The following LRRTM4 variants were observed in gnomAD, a reference collection of about 807,000 sequenced individuals.
LRRTM4 encodes leucine-rich repeat transmembrane neuronal protein 4.
A neutral mutation model predicts 47.6 loss-of-function variants in LRRTM4; 25 were observed. That is an observed-to-expected ratio of 0.53 (90% confidence interval 0.38 to 0.73). LRRTM4 has a LOEUF of 0.73. Ranked by LOEUF, LRRTM4 falls within the 30% of genes least tolerant of loss-of-function variation. The pLI is 0.00. For missense variants in LRRTM4, 638 were observed against 713.4 expected (o/e 0.89, Z 1.20); for synonymous variants, 311 against 269.5 (o/e 1.15, Z -1.51).
chr2:77,222,455 G>A (rs9689182), intron 3 of LRRTM4, among the ~76,000 whole-genome samples: 2 of 152,044 alleles, frequency 1.3e-5, no homozygotes, highest in African/African-American at 4.8e-5. Flanking sequence ...TTGATAGACT[G>A]CTAGCAAGGT....
chr2:77,255,427 T>G (rs1675738432), intron 3 of LRRTM4, among the ~76,000 whole-genome samples: 2 of 151,988 alleles, frequency 1.3e-5, no homozygotes, highest in African/African-American at 2.4e-5. Flanking sequence ...AGGATCTACT[T>G]GATATTTATT....
chr2:77,368,474 C>A (rs1672538497), intron 3 of LRRTM4, among the ~76,000 whole-genome samples: 2 of 151,638 alleles, frequency 1.3e-5, no homozygotes, highest in African/African-American at 4.8e-5. Context: ...CTTGATTAGC[C>A]TTCATTTAAT....
intron 3 of LRRTM4, among the ~76,000 whole-genome samples, chr2:77,367,726 G>C (rs576623371): frequency 6.6e-6 from 1 of 151,760 alleles, no homozygotes; most frequent in Non-Finnish European, 1.5e-5. Context: ...GATAAGAGAC[G>C]GTAGGTAGGT....
rs200096987 is a variant in LRRTM4 at position 76,849,827 on chromosome 2, A to AT, written c.1552-100912dup. Among the ~76,000 whole-genome samples the AT allele has an allele frequency of 6.1e-3, 919 of 151,806 alleles. 14 individuals carry two copies. Among genetic ancestry groups the AT allele is most frequent in the African/African-American group, 0.021 (860 of 41,466 alleles). ...AGCAATCTCTTAGAAGTTGAAGACA[A>AT]TTTTTTTTTAAAAAGTAAGTGCTAA... On this transcript the variant is annotated intron_variant, in intron 3 of 3. Coordinates refer to ENST00000409884, the MANE Select transcript of LRRTM4 (RefSeq NM_001134745.3).
At chr2:77,203,167 G>A (rs2103904019) in intron 3 of LRRTM4, among the ~76,000 whole-genome samples, 1 of 152,056 alleles carries the variant, frequency 6.6e-6, no homozygotes, top group South Asian at 2.1e-4. Context: ...TTCCTTAGCA[G>A]TGAGAACTTT....
intron 3 of LRRTM4, among the ~76,000 whole-genome samples, chr2:76,909,886 A>C (rs182100412): frequency 5.3e-4 from 81 of 152,348 alleles, no homozygotes; most frequent in Non-Finnish European, 1.0e-3. Context: ...GAACACTTTC[A>C]CATTGTTGGT....
At chr2:77,336,363 G>A (rs1457155907) in intron 3 of LRRTM4, among the ~76,000 whole-genome samples, 3 of 152,034 alleles carry the variant, frequency 2.0e-5, no homozygotes, top group Non-Finnish European at 2.9e-5. Flanking sequence ...CATCCTATGA[G>A]AGGCTTGCAC....
rs2103820234 is a variant in LRRTM4, at chr2:77,165,619, G to A, written c.1551+352699C>T. On this transcript the variant is annotated intron_variant, in intron 3 of 3. Transcript: ENST00000409884. ...CGAAAAGCTTATCCACCATGATCAA[G>A]TGGGCTTCATCCCTGGGATGCAAGG... Among the ~76,000 whole-genome samples, 5 of 152,284 alleles carry A rather than the reference G, an allele frequency of 3.3e-5. 1 individual carries two copies. The Middle Eastern group carries it at 0.014, about 414-fold the overall frequency.
intron 3 of LRRTM4, among the ~76,000 whole-genome samples, chr2:77,098,856 TA>T (rs1220368051): frequency 6.6e-6 from 1 of 151,884 alleles, no homozygotes; most frequent in African/African-American, 2.4e-5. Context: ...GGGGAAATTA[TA>T]AAAGTCAATA....
At chr2:76,807,815 T>G (rs937607602) in intron 3 of LRRTM4, among the ~76,000 whole-genome samples, 1 of 151,790 alleles carries the variant, frequency 6.6e-6, no homozygotes, top group African/African-American at 2.4e-5. Context: ...ACTCCTGACC[T>G]CGTGATCCGC....
At chr2:77,041,058 C>T (rs1282299937) in intron 3 of LRRTM4, among the ~76,000 whole-genome samples, 4 of 151,284 alleles carry the variant, frequency 2.6e-5, no homozygotes, top group African/African-American at 4.8e-5. Flanking sequence ...ACTCATCAAC[C>T]AACCCCTCCC....
intron 3 of LRRTM4, among the ~76,000 whole-genome samples, chr2:77,161,543 G>A (rs1384214950): frequency 2.0e-5 from 3 of 152,126 alleles, no homozygotes; most frequent in African/African-American, 7.2e-5. Flanking sequence ...ACCTGGTCAG[G>A]TGGTAACAGC....
chr2:77,032,682 C>T (rs561148683), intron 3 of LRRTM4, among the ~76,000 whole-genome samples: 1 of 152,098 alleles, frequency 6.6e-6, no homozygotes, highest in African/African-American at 2.4e-5. Context: ...GTCATAGACC[C>T]CAGTGTTATT....
chr2:76,973,756 T>C (rs567000516), intron 3 of LRRTM4, among the ~76,000 whole-genome samples: 19 of 152,090 alleles, frequency 1.2e-4, no homozygotes, highest in South Asian at 6.2e-4. Flanking sequence ...AAATGAAATA[T>C]AGAAGTCTGG....
chr2:76,965,690 T>C (rs574498378), intron 3 of LRRTM4, among the ~76,000 whole-genome samples: 1 of 151,530 alleles, frequency 6.6e-6, no homozygotes, highest in East Asian at 1.9e-4. Flanking sequence ...CTACTTACGC[T>C]TTTCACTAGG....
At chr2:76,977,686 C>T (rs1042469676) in intron 3 of LRRTM4, among the ~76,000 whole-genome samples, 18 of 151,788 alleles carry the variant, frequency 1.2e-4, no homozygotes, top group African/African-American at 3.6e-4. Flanking sequence ...ATATTGATGA[C>T]GTTTATACTA....
chr2:77,023,454 T>C (rs1248637921), intron 3 of LRRTM4, among the ~76,000 whole-genome samples: 2 of 152,218 alleles, frequency 1.3e-5, no homozygotes, highest in African/African-American at 2.4e-5. Context: ...TTTTCTTTTC[T>C]ACCACATTGT....
intron 3 of LRRTM4, among the ~76,000 whole-genome samples, chr2:76,812,776 C>CCCTCCTCCTCTCCCTCTCCCCTT (rs1670780550): frequency 1.2e-5 from 1 of 85,636 alleles, no homozygotes; most frequent in Non-Finnish European, 2.1e-5. Context: ...CTCTCCCTCC[C>CCCTCCTCCTCTCCCTCTCCCCTT]CCTCCTCCTC....
intron 3 of LRRTM4, among the ~76,000 whole-genome samples, chr2:76,757,241 T>C (rs1437378741): frequency 2.0e-5 from 3 of 152,136 alleles, no homozygotes; most frequent in African/African-American, 7.2e-5. Flanking sequence ...AATTTCTCTA[T>C]AGCATTTGTT....
Sources: gnomAD v4.1 joint callset for allele counts (sites outside exome capture counted in the v4.1 genomes callset) on GRCh38, gnomAD v4.1.1 for gene constraint, MANE v1.5 for transcripts, NCBI Gene and HGNC (gene_info 2026-07-23, HGNC 2026-07-21) for gene names.